The following EPB41 variants were observed in gnomAD, a reference collection of about 807,000 sequenced individuals.
The protein encoded by EPB41 is protein 4.1.
A neutral mutation model predicts 108.0 loss-of-function variants in EPB41; 65 were observed. That is an observed-to-expected ratio of 0.60 (90% CI 0.49 to 0.74). The LOEUF (loss-of-function observed/expected upper bound fraction) is 0.74. Ranked by LOEUF, EPB41 falls within the 30% of genes least tolerant of loss-of-function variation. The pLI is 0.00. For synonymous variants in EPB41, 336 were observed against 358.9 expected, an observed-to-expected ratio of 0.94 and a Z score of 0.72; for missense variants, 875 against 1,037.0, an observed-to-expected ratio of 0.84 and a Z score of 2.15.
At chr1:28,974,671 A>G (rs75676178) in intron 1 of EPB41, among the ~76,000 whole-genome samples, 79 of 152,312 alleles carry the variant, frequency 5.2e-4, no homozygotes, top group Admixed American at 8.5e-4. Context: ...GAGATACTGG[A>G]TGGTATGATT....
chr1:29,085,004 G>A (rs563961663), intron 16 of EPB41, among the ~76,000 whole-genome samples: 2 of 152,076 alleles, frequency 1.3e-5, no homozygotes, highest in Admixed American at 6.6e-5. Flanking sequence ...TTTGGTTCAC[G>A]TTACTTTGCA....
intron 1 of EPB41, among the ~76,000 whole-genome samples, chr1:28,983,778 A>G (rs903242244): frequency 2.0e-5 from 3 of 152,008 alleles, no homozygotes; most frequent in South Asian, 2.1e-4. Flanking sequence ...TAGCTTCGAC[A>G]TGCCATCCAC....
chr1:29,113,931 C>T (rs1670035477), intron 19 of EPB41, among the ~76,000 whole-genome samples: 1 of 152,066 alleles, frequency 6.6e-6, no homozygotes, highest in South Asian at 2.1e-4. Context: ...TGGGCGGAGG[C>T]AGAGTCACAA....
chr1:29,042,577 C>G (rs918113947), intron 11 of EPB41, among the ~76,000 whole-genome samples: 4 of 152,074 alleles, frequency 2.6e-5, no homozygotes, highest in Non-Finnish European at 5.9e-5. Context: ...CTCCAAGATT[C>G]AAGTGATTCT....
chr1:29,113,426 G>A (rs1255862539), intron 19 of EPB41, among the ~76,000 whole-genome samples: 2 of 152,210 alleles, frequency 1.3e-5, no homozygotes, highest in Non-Finnish European at 2.9e-5. Flanking sequence ...GAGAATAGTG[G>A]ACACAGGGTC....
intron 16 of EPB41, among the ~76,000 whole-genome samples, chr1:29,085,596 CTTTCT>C (rs1239383573): frequency 3.9e-5 from 6 of 152,020 alleles, no homozygotes; most frequent in South Asian, 2.1e-4. Context: ...TTGACTTTGA[CTTTCT>C]TTTCTTTTCT....
chr1:28,913,545 C>T (rs1176016917), upstream of EPB41, among the ~76,000 whole-genome samples: 3 of 152,176 alleles, frequency 2.0e-5, no homozygotes, highest in Non-Finnish European at 4.4e-5. Flanking sequence ...GTGCTGGGAT[C>T]GTGAAGGGGC....
At chr1:29,081,908 T>C (rs965865010) in intron 16 of EPB41, among the ~76,000 whole-genome samples, 1 of 152,040 alleles carries the variant, frequency 6.6e-6, no homozygotes, top group Non-Finnish European at 1.5e-5. Context: ...ATGTACCTTG[T>C]GATCTAAGTA....
intron 2 of EPB41, 75 bp downstream of exon 2, chr1:28,987,980 G>C: frequency 6.6e-7 from 1 of 1,514,318 alleles, no homozygotes; most frequent in East Asian, 2.3e-5. Context: ...AAGAGTATTT[G>C]GGCTGGGCGC....
chr1:29,046,190 T>A (rs1271476579), intron 11 of EPB41, among the ~76,000 whole-genome samples: 1 of 151,976 alleles, frequency 6.6e-6, no homozygotes, highest in Non-Finnish European at 1.5e-5. Context: ...AGTGGCACTA[T>A]CTCGGCTCAC....
intron 1 of EPB41, among the ~76,000 whole-genome samples, chr1:28,960,862 A>C (rs956682952): frequency 6.6e-6 from 1 of 151,926 alleles, no homozygotes; most frequent in Non-Finnish European, 1.5e-5. Context: ...GTGAAACTCC[A>C]TCTCTACTAA....
chr1:29,053,067 C>T lies in EPB41; in HGVS notation c.1637-37C>T, dbSNP rs766543110. 2.5e-6 allele frequency: 4 copies of T among 1,607,036 alleles called. No homozygotes were observed. In the Admixed American group the frequency reaches 5.0e-5, roughly 20 times the overall value. ...CTTTGAAATAATACAGTAGCTCTGG[C>T]CTTTACTTATGCTTCCCTTTTCCCT... is the stretch of plus-strand genomic sequence containing the variant. On this transcript the variant is annotated intron_variant, in intron 11 of 20. Transcript: ENST00000343067.
rs192121800 is a variant in EPB41, at chr1:29,034,868, T to C, written c.1366-958T>C. Among the ~76,000 whole-genome samples the C allele has an allele frequency of 2.0e-4, 30 of 152,170 alleles. 1 individual carries two copies. The East Asian group carries it at 5.6e-3, about 28-fold the overall frequency. ...TGCTAAGAGACTAGATTTTAAGTTT[T>C]CTCACCACAAAAAAATAATAAGTGT... is the stretch of plus-strand genomic sequence containing the variant. On this transcript the variant is annotated intron_variant, in intron 9 of 20. Coordinates refer to ENST00000343067, the MANE Select transcript of EPB41 (RefSeq NM_001376013.1).
chr1:28,930,064 T>C (rs2093662096), intron 1 of EPB41, among the ~76,000 whole-genome samples: 1 of 151,442 alleles, frequency 6.6e-6, no homozygotes, highest in Non-Finnish European at 1.5e-5. Context: ...ACCCCAGTCC[T>C]AGGTAAGCAC....
chr1:28,979,879 T>C (rs188271502), intron 1 of EPB41, among the ~76,000 whole-genome samples: 8 of 152,338 alleles, frequency 5.3e-5, no homozygotes, highest in African/African-American at 1.2e-4. Flanking sequence ...GGATTTTGAT[T>C]GAATCCCCGA....
chr1:28,978,689 G>A (rs1328838109), intron 1 of EPB41, among the ~76,000 whole-genome samples: 1 of 151,266 alleles, frequency 6.6e-6, no homozygotes, highest in African/African-American at 2.5e-5. Context: ...ATTTTTGGTG[G>A]GTATCATTAA....
chr1:28,993,657 C>A (rs374454958), intron 3 of EPB41, 115 bp downstream of exon 3: 52 of 554,070 alleles, frequency 9.4e-5, no homozygotes, highest in Non-Finnish European at 1.3e-4. Context: ...TTTCTTTTTT[C>A]TTTTTTTTTT....
intron 3 of EPB41, among the ~76,000 whole-genome samples, chr1:28,996,102 T>A (rs1408710977): frequency 6.6e-6 from 1 of 152,132 alleles, no homozygotes; most frequent in Admixed American, 6.6e-5. Context: ...GTAGGATGAG[T>A]GTAAATATTC....
chr1:28,964,880 G>A (rs1226825455), intron 1 of EPB41, among the ~76,000 whole-genome samples: 1 of 152,016 alleles, frequency 6.6e-6, no homozygotes, highest in African/African-American at 2.4e-5. Context: ...TCCTCCTTTC[G>A]TCACCTAACT....
Sources: gnomAD v4.1 joint callset for allele counts (sites outside exome capture counted in the v4.1 genomes callset) on GRCh38, gnomAD v4.1.1 for gene constraint, MANE v1.5 for transcripts, NCBI Gene and HGNC (gene_info 2026-07-23, HGNC 2026-07-21) for gene names.